CNGA1: variants seen among roughly 807,000 people sequenced by gnomAD.
CNGA1 encodes cyclic nucleotide gated channel subunit alpha 1.
A neutral mutation model predicts 69.7 loss-of-function variants in CNGA1; 53 were observed. That is an observed-to-expected ratio of 0.76 (90% CI 0.61 to 0.96). CNGA1 has a LOEUF of 0.96. CNGA1 is among the 40% of genes least tolerant of loss of function. CNGA1 has a pLI of 0.00. For missense variants in CNGA1, 739 were observed against 811.2 expected, an observed-to-expected ratio of 0.91 and a Z score of 1.08; for synonymous variants, 249 against 283.5, an observed-to-expected ratio of 0.88 and a Z score of 1.22.
chr4:47,987,571 G>A (rs1742028726), intron 2 of CNGA1, among the ~76,000 whole-genome samples: 1 of 152,072 alleles, frequency 6.6e-6, no homozygotes, highest in South Asian at 2.1e-4. Flanking sequence ...TAAATGACAG[G>A]CTCTCTTCTA....
At chr4:48,013,135 C>A (rs1300376892) in intron 1 of CNGA1, among the ~76,000 whole-genome samples, 2 of 152,174 alleles carry the variant, frequency 1.3e-5, no homozygotes, top group Admixed American at 6.5e-5. Flanking sequence ...GGAGGGGGTG[C>A]TCTCAGACCT....
intron 3 of CNGA1, among the ~76,000 whole-genome samples, chr4:47,966,267 G>A (rs904375583): frequency 1.3e-5 from 2 of 152,208 alleles, no homozygotes; most frequent in African/African-American, 4.8e-5. Flanking sequence ...ATGAACTCAA[G>A]TGAGATTTTT....
At chr4:48,014,332 T>C (rs1715287925) in intron 1 of CNGA1, among the ~76,000 whole-genome samples, 1 of 152,246 alleles carries the variant, frequency 6.6e-6, no homozygotes, top group Non-Finnish European at 1.5e-5. Flanking sequence ...TATAAATTTC[T>C]GCTAGGCAAC....
chr4:47,954,373 G>C (rs749566880), intron 3 of CNGA1, among the ~76,000 whole-genome samples: 3 of 152,202 alleles, frequency 2.0e-5, no homozygotes, highest in Non-Finnish European at 4.4e-5. Context: ...ACACTCAGCT[G>C]TCCCCGGACA....
chr4:47,974,410 C>G (rs1319951286), intron 3 of CNGA1, among the ~76,000 whole-genome samples: 1 of 152,100 alleles, frequency 6.6e-6, no homozygotes, highest in Non-Finnish European at 1.5e-5. Flanking sequence ...TGTGTCAGCA[C>G]CTTTGCCTTA....
intron 3 of CNGA1, among the ~76,000 whole-genome samples, chr4:47,955,781 C>T (rs1251086558): frequency 6.6e-6 from 1 of 152,226 alleles, no homozygotes; most frequent in African/African-American, 2.4e-5. Flanking sequence ...TAAATTGTGA[C>T]ACACACCATC....
chr4:47,967,591 A>G (rs1457830916), intron 3 of CNGA1, among the ~76,000 whole-genome samples: 2 of 152,260 alleles, frequency 1.3e-5, no homozygotes, highest in African/African-American at 4.8e-5. Context: ...AGAACAAATA[A>G]GTGAATTTAG....
At chr4:48,010,395 A>G (rs1715101652) in intron 2 of CNGA1, among the ~76,000 whole-genome samples, 1 of 152,216 alleles carries the variant, frequency 6.6e-6, no homozygotes, top group Admixed American at 6.5e-5. Flanking sequence ...TTTAAAAACA[A>G]AGACATTTCT....
intron 1 of CNGA1, among the ~76,000 whole-genome samples, chr4:48,012,047 G>C (rs1223335626): frequency 6.6e-6 from 1 of 152,164 alleles, no homozygotes. Context: ...GAACAGCTTT[G>C]CAGGGCCACT....
At chr4:47,965,404 C>T (rs888189204) in intron 3 of CNGA1, among the ~76,000 whole-genome samples, 6 of 151,520 alleles carry the variant, frequency 4.0e-5, no homozygotes, top group African/African-American at 9.7e-5. Flanking sequence ...CTATGATAAA[C>T]ACTTCTTGGT....
At chr4:48,015,710 C>T (rs1715348420) in intron 1 of CNGA1, among the ~76,000 whole-genome samples, 1 of 152,102 alleles carries the variant, frequency 6.6e-6, no homozygotes, top group Non-Finnish European at 1.5e-5. Context: ...TCAAGTCATC[C>T]GTCCTCCCAC....
At chr4:47,948,507 C>G (rs529976040) in intron 6 of CNGA1, among the ~76,000 whole-genome samples, 1 of 152,218 alleles carries the variant, frequency 6.6e-6, no homozygotes, top group East Asian at 1.9e-4. Context: ...ATCTATGGAT[C>G]TAGAGGTCCT....
At chr4:48,002,292 A>G (rs1419281581) in intron 2 of CNGA1, among the ~76,000 whole-genome samples, 1 of 152,202 alleles carries the variant, frequency 6.6e-6, no homozygotes, top group Non-Finnish European at 1.5e-5. Flanking sequence ...CCTCCTAACT[A>G]GACTGATTGA....
At position 47,936,902 on chromosome 4, in the gene CNGA1, C is replaced by A. The variant is rs1560616640; in HGVS notation, c.1580G>T (p.Gly527Val). 5 of 1,614,114 alleles carry A rather than the reference C, an allele frequency of 3.1e-6. No individual in the cohort carries two copies. Among genetic ancestry groups the A allele is most frequent in the Non-Finnish European group, 4.2e-6 (5 of 1,180,026 alleles). ...EGKLAVVADD[G>V]VTQFVVLSDG... Reference sequence around the variant, plus strand: ...GCTCAATACCACAAACTGAGTGACTCCATCATCTGCCACCACAGCGAGTTT... The same window carrying A: ...GCTCAATACCACAAACTGAGTGACTACATCATCTGCCACCACAGCGAGTTT... Residue 527 changes from glycine (G) to valine (V), a missense_variant, in exon 11 of 11, where the codon GGA becomes GTA. By Grantham distance (109) the Gly-to-Val change is moderately radical. Coordinates refer to ENST00000514170, the MANE Select transcript of CNGA1 (RefSeq NM_001379270.1).
intron 2 of CNGA1, among the ~76,000 whole-genome samples, chr4:47,990,690 T>C (rs1425531638): frequency 6.6e-6 from 1 of 152,076 alleles, no homozygotes. Flanking sequence ...ACCATCATGG[T>C]CCTACTAATA....
At chr4:47,955,150 T>C (rs1400696581) in intron 3 of CNGA1, among the ~76,000 whole-genome samples, 1 of 150,432 alleles carries the variant, frequency 6.6e-6, no homozygotes, top group African/African-American at 2.4e-5. Flanking sequence ...AAAATTTCTT[T>C]TTCTCTGTCT....
intron 10 of CNGA1, among the ~76,000 whole-genome samples, chr4:47,938,513 C>G (rs1192630920): frequency 1.3e-5 from 2 of 152,030 alleles, no homozygotes; most frequent in Non-Finnish European, 2.9e-5. Context: ...CTGCCTCAGC[C>G]TCCTGAGTAG....
chr4:47,992,750 G>A (rs568832190), intron 2 of CNGA1, among the ~76,000 whole-genome samples: 1 of 151,820 alleles, frequency 6.6e-6, no homozygotes, highest in South Asian at 2.1e-4. Flanking sequence ...GGTGAGAGTG[G>A]GCATCCTTGT....
intron 3 of CNGA1, among the ~76,000 whole-genome samples, chr4:47,962,411 T>C (rs1401925353): frequency 8.8e-6 from 1 of 113,240 alleles, no homozygotes; most frequent in Non-Finnish European, 2.2e-5. Flanking sequence ...AATAAATATA[T>C]TGTTGAAAAT....
Sources: gnomAD v4.1 joint callset for allele counts (sites outside exome capture counted in the v4.1 genomes callset) on GRCh38, gnomAD v4.1.1 for gene constraint, MANE v1.5 for transcripts, NCBI Gene and HGNC (gene_info 2026-07-23, HGNC 2026-07-21) for gene names.